SLMAP: variants seen among roughly 807,000 people sequenced by gnomAD.
SLMAP encodes sarcolemmal membrane-associated protein.
A neutral mutation model predicts 128.8 loss-of-function variants in SLMAP; 44 were observed. The observed-to-expected ratio is 0.34, with a 90% CI of 0.27 to 0.44. The LOEUF (loss-of-function observed/expected upper bound fraction) is 0.44, where lower values mean the gene tolerates loss of function less well. Ranked by LOEUF, SLMAP falls within the 20% of genes least tolerant of loss-of-function variation. The probability of loss-of-function intolerance (pLI) is 1.00; values close to 1 mark genes in which losing one functional copy is unlikely to be tolerated. For synonymous variants in SLMAP, 327 were observed against 348.8 expected, an observed-to-expected ratio of 0.94 and a Z score of 0.70; for missense variants, 787 against 985.3, an observed-to-expected ratio of 0.80 and a Z score of 2.69.
chr3:57,892,831 CTT>C lies in SLMAP; in HGVS notation c.1360+2749_1360+2750del, dbSNP rs34608762. On this transcript the variant is annotated intron_variant, in intron 15 of 24. Coordinates refer to ENST00000671191, the MANE Select transcript of SLMAP (RefSeq NM_001377540.1). ...ACACATACACACACAAACTTGCTTT[CTT>C]TTTTTTTTTTTTTTTTTGGAGATGG... Among the ~76,000 whole-genome samples the C allele has an allele frequency of 3.0e-3, 257 of 85,612 alleles. 1 individual carries two copies. Among genetic ancestry groups the C allele is most frequent in the Middle Eastern group, 0.02 (3 of 152 alleles). The allele number at this position is 85,612 out of a possible 152,430, so 56.2% of individuals were successfully genotyped here.
intron 2 of SLMAP, among the ~76,000 whole-genome samples, chr3:57,805,957 C>CT (rs2089735500): frequency 6.6e-6 from 1 of 152,068 alleles, no homozygotes; most frequent in Admixed American, 6.6e-5. Flanking sequence ...CAGGAATCCT[C>CT]TTAATTCTCA....
intron 6 of SLMAP, among the ~76,000 whole-genome samples, chr3:57,851,088 A>G (rs1164490088): frequency 2.0e-5 from 3 of 152,236 alleles, no homozygotes; most frequent in Non-Finnish European, 4.4e-5. Flanking sequence ...TACAAGGTGC[A>G]TATTTTATTC....
At chr3:57,767,271 G>A (rs924225852) in intron 2 of SLMAP, among the ~76,000 whole-genome samples, 3 of 152,156 alleles carry the variant, frequency 2.0e-5, no homozygotes, top group Non-Finnish European at 4.4e-5. Flanking sequence ...TGATGCAAAT[G>A]TACTACTGTC....
At chr3:57,775,126 C>T (rs2153450771) in intron 2 of SLMAP, among the ~76,000 whole-genome samples, 1 of 151,780 alleles carries the variant, frequency 6.6e-6, no homozygotes, top group East Asian at 2.0e-4. Context: ...GCGATCTCGG[C>T]TCACTGCAAG....
chr3:57,872,373 T>C (rs532285968), intron 14 of SLMAP, among the ~76,000 whole-genome samples: 47 of 152,214 alleles, frequency 3.1e-4, no homozygotes, highest in African/African-American at 1.1e-3. Flanking sequence ...ATCCTAGCAC[T>C]TTGGGGAGGC....
chr3:57,876,298 T>C (rs985827173), intron 14 of SLMAP, among the ~76,000 whole-genome samples: 17 of 152,204 alleles, frequency 1.1e-4, no homozygotes, highest in Admixed American at 1.1e-3. Context: ...AGAAAATAAA[T>C]GAATTGAAAC....
intron 17 of SLMAP, among the ~76,000 whole-genome samples, chr3:57,906,300 C>CTTTTTCTTTTTTTTTTTTTTTTTTTTTTT (rs2096541194): frequency 1.4e-5 from 1 of 71,290 alleles, no homozygotes; most frequent in Admixed American, 1.9e-4. Flanking sequence ...AAATTTTTTT[C>CTTTTTCTTTTTTTTTTTTTTTTTTTTTTT]TTTTTTTTTC....
At position 57,929,945 on chromosome 3, in the gene SLMAP, A is replaced by G. The variant is rs574566428; in HGVS notation, c.*2656A>G. Among the ~76,000 whole-genome samples, 7 of 152,370 alleles carry G rather than the reference A, an allele frequency of 4.6e-5. No individual in the cohort carries two copies. Among genetic ancestry groups the G allele is most frequent in the East Asian group, 3.9e-4 (2 of 5,190 alleles). Reference sequence around the variant, plus strand: ...ATACTGAAAAAATATTGCAAATATTAAAGTTTTAGGTAAGCCTAAACTTTA... The same window carrying G: ...ATACTGAAAAAATATTGCAAATATTGAAGTTTTAGGTAAGCCTAAACTTTA... On this transcript the variant is annotated 3_prime_UTR_variant, in exon 25 of 25. Transcript: ENST00000671191.
chr3:57,927,231 G>GTATTCA, intron 24 of SLMAP, 65 bp from the exon 25 acceptor site: 1 of 956,744 alleles, frequency 1.0e-6, no homozygotes, highest in East Asian at 2.6e-5. Context: ...CTGGAACCAA[G>GTATTCA]GGGTTAATAG....
chr3:57,776,505 C>CTTCTCT (rs763539003), intron 2 of SLMAP, among the ~76,000 whole-genome samples: 2 of 124,684 alleles, frequency 1.6e-5, no homozygotes, highest in Non-Finnish European at 3.3e-5. Flanking sequence ...TGATTTGTCC[C>CTTCTCT]TTCTCTCTCT....
At chr3:57,827,107 A>C (rs1175498921) in intron 2 of SLMAP, among the ~76,000 whole-genome samples, 1 of 152,206 alleles carries the variant, frequency 6.6e-6, no homozygotes, top group African/African-American at 2.4e-5. Context: ...TCATATCTTA[A>C]GAACTCCCCT....
chr3:57,759,125 A>C (rs1208941760), intron 2 of SLMAP, among the ~76,000 whole-genome samples: 1 of 152,208 alleles, frequency 6.6e-6, no homozygotes, highest in East Asian at 1.9e-4. Flanking sequence ...GTGCTGCATA[A>C]TATCTATACT....
chr3:57,788,317 T>G (rs1461676224), intron 2 of SLMAP, among the ~76,000 whole-genome samples: 2 of 152,200 alleles, frequency 1.3e-5, no homozygotes, highest in African/African-American at 4.8e-5. Context: ...ATCACATGCT[T>G]AAATCTTTGT....
chr3:57,848,289 T>A (rs920080972), intron 5 of SLMAP, among the ~76,000 whole-genome samples: 6 of 150,738 alleles, frequency 4.0e-5, no homozygotes, highest in Admixed American at 2.6e-4. Flanking sequence ...CTTCTCCTCC[T>A]CTTTCTCCTC....
chr3:57,859,843 ATC>A (rs1254571982), intron 8 of SLMAP, among the ~76,000 whole-genome samples: 1 of 152,168 alleles, frequency 6.6e-6, no homozygotes, highest in Non-Finnish European at 1.5e-5. Flanking sequence ...AACCACTTGT[ATC>A]TCTAAAGGTA....
At chr3:57,801,739 C>A (rs2088461305) in intron 2 of SLMAP, among the ~76,000 whole-genome samples, 1 of 150,226 alleles carries the variant, frequency 6.7e-6, no homozygotes, top group Non-Finnish European at 1.5e-5. Flanking sequence ...AGGGTAGATT[C>A]TCAGAAGTAG....
intron 15 of SLMAP, 173 bp downstream of exon 15, chr3:57,890,273 A>G (rs1006478824): frequency 1.5e-5 from 8 of 532,932 alleles, no homozygotes; most frequent in African/African-American, 5.7e-5. Flanking sequence ...CTGTTTTAAG[A>G]AGGGTATCGT....
chr3:57,876,637 C>T (rs2095609818), intron 14 of SLMAP, among the ~76,000 whole-genome samples: 1 of 152,198 alleles, frequency 6.6e-6, no homozygotes. Flanking sequence ...TTAAAGTTTA[C>T]CGTATAAACT....
At chr3:57,812,986 T>C (rs1194769417) in intron 2 of SLMAP, among the ~76,000 whole-genome samples, 5 of 152,124 alleles carry the variant, frequency 3.3e-5, no homozygotes, top group Non-Finnish European at 7.4e-5. Flanking sequence ...ACTACTTTGC[T>C]GAATTCATTT....
Sources: gnomAD v4.1 joint callset for allele counts (sites outside exome capture counted in the v4.1 genomes callset) on GRCh38, gnomAD v4.1.1 for gene constraint, MANE v1.5 for transcripts, NCBI Gene and HGNC (gene_info 2026-07-23, HGNC 2026-07-21) for gene names.